The following STK38 variants were observed in gnomAD, a reference collection of about 807,000 sequenced individuals.
STK38 encodes serine/threonine-protein kinase 38.
STK38 carries 26 observed loss-of-function variants against 59.0 expected under a neutral mutation model. The observed-to-expected ratio is 0.44, with a 90% CI of 0.32 to 0.61. The LOEUF (loss-of-function observed/expected upper bound fraction) is 0.61, where lower values mean the gene tolerates loss of function less well. Ranked by LOEUF, STK38 falls within the 20% of genes least tolerant of loss-of-function variation. The probability of loss-of-function intolerance (pLI) is 0.04; values close to 1 mark genes in which losing one functional copy is unlikely to be tolerated. For missense variants in STK38, 433 were observed against 566.0 expected (o/e 0.76, Z 2.38); for synonymous variants, 175 against 176.6 (o/e 0.99, Z 0.07).
At chr6:36,540,393 C>T (rs983200077) in intron 1 of STK38, among the ~76,000 whole-genome samples, 186 bp from the exon 2 acceptor site, 4 of 152,102 alleles carry the variant, frequency 2.6e-5, no homozygotes, top group African/African-American at 9.7e-5. Flanking sequence ...GTCCTATGAC[C>T]CAGAAATCCC....
chr6:36,514,652 T>C (rs1777204287), intron 7 of STK38, among the ~76,000 whole-genome samples: 1 of 152,022 alleles, frequency 6.6e-6, no homozygotes, highest in Admixed American at 6.6e-5. Context: ...CAACTACGCT[T>C]ATCTGCATGT....
chr6:36,546,764 A>AGG (rs1027325289), intron 1 of STK38, among the ~76,000 whole-genome samples: 1 of 152,134 alleles, frequency 6.6e-6, no homozygotes, highest in African/African-American at 2.4e-5. Flanking sequence ...CCACACCCCA[A>AGG]GGGGGGCTTT....
chr6:36,543,019 C>A (rs1777976526), intron 1 of STK38, among the ~76,000 whole-genome samples: 1 of 152,168 alleles, frequency 6.6e-6, no homozygotes, highest in Admixed American at 6.5e-5. Flanking sequence ...TCACACTTGG[C>A]CAAATTGTTC....
chr6:36,527,207 A>AAAATATATAT (rs60162863), intron 2 of STK38, among the ~76,000 whole-genome samples: 177 of 119,334 alleles, frequency 1.5e-3, no homozygotes, highest in South Asian at 3.7e-3. Flanking sequence ...AAAAAAAAAA[A>AAAATATATAT]ATATATGTAT....
chr6:36,535,455 C>T (rs1020467195), intron 2 of STK38, among the ~76,000 whole-genome samples: 10 of 151,576 alleles, frequency 6.6e-5, no homozygotes, highest in Admixed American at 5.9e-4. Flanking sequence ...GTCTCAAACA[C>T]ACAAACAAAC....
chr6:36,540,219 G>T lies in STK38; in HGVS notation c.-5-12C>A, dbSNP rs371899631. 34 of 1,613,248 alleles carry T rather than the reference G, an allele frequency of 2.1e-5. No individual in the cohort carries two copies. The African/African-American group carries it at 3.6e-4, about 17-fold the overall frequency. ...CATTGCCATGGCTGCTAGAAACAAA[G>T]AAAAGAAGAGGTGTTAGATTTGGAG... On this transcript the variant is annotated splice_polypyrimidine_tract_variant and intron_variant, in intron 1 of 13. Coordinates refer to ENST00000229812, the MANE Select transcript of STK38 (RefSeq NM_007271.4).
intron 7 of STK38, among the ~76,000 whole-genome samples, chr6:36,512,379 T>C (rs748933895): frequency 2.0e-5 from 3 of 152,140 alleles, no homozygotes; most frequent in African/African-American, 4.8e-5. Context: ...GATCTGAACA[T>C]AGACTACAGG....
intron 2 of STK38, among the ~76,000 whole-genome samples, chr6:36,539,141 T>G (rs1412671321): frequency 2.6e-5 from 4 of 151,914 alleles, no homozygotes; most frequent in African/African-American, 9.7e-5. Context: ...ATCCCAGCAC[T>G]ATGGGAGGCC....
In STK38 at chr6:36,498,437, C is replaced by T. The variant is rs200983506; in HGVS notation, c.1002G>A (p.Val334=). Residue 334 remains valine (V), a synonymous_variant, in exon 11 of 14, where the codon GTG becomes GTA. Coordinates refer to ENST00000229812, the MANE Select transcript of STK38 (RefSeq NM_007271.4). ...SETPQETYKK[V]MNWKETLTFP... is the part of the protein sequence containing the mutation. ...AAGTCAAAGTTTCTTTCCAGTTCAT[C>T]ACCTTCTTATATGTCTCTTGAGGGG... is the stretch of plus-strand genomic sequence containing the variant. 7.2e-5 allele frequency: 117 copies of T among 1,613,918 alleles called. No homozygotes were observed. The highest frequency in any genetic ancestry group is 6.8e-6 in the Non-Finnish European group (8 of 1,180,010).
At chr6:36,539,485 G>A (rs1010414288) in intron 2 of STK38, among the ~76,000 whole-genome samples, 36 of 151,960 alleles carry the variant, frequency 2.4e-4, no homozygotes, top group African/African-American at 8.0e-4. Flanking sequence ...CATTAACTAA[G>A]TGACTACTAT....
intron 7 of STK38, among the ~76,000 whole-genome samples, chr6:36,513,483 T>G (rs890124863): frequency 4.6e-5 from 7 of 151,442 alleles, no homozygotes; most frequent in Non-Finnish European, 7.4e-5. Context: ...CCCAGCTGAT[T>G]TTTGTATTTT....
chr6:36,527,207 A>AAAAAAAAAAAAAATATATATAT (rs60162863), intron 2 of STK38, among the ~76,000 whole-genome samples: 4 of 119,350 alleles, frequency 3.4e-5, no homozygotes, highest in African/African-American at 1.4e-4. Context: ...AAAAAAAAAA[A>AAAAAAAAAAAAAATATATATAT]ATATATGTAT....
intron 7 of STK38, among the ~76,000 whole-genome samples, chr6:36,509,041 C>T (rs1025511899): frequency 2.6e-5 from 4 of 152,224 alleles, no homozygotes; most frequent in East Asian, 1.9e-4. Flanking sequence ...GAAGGGCCGC[C>T]GCTCTTCTCT....
At chr6:36,545,176 C>T (rs1043652524) in intron 1 of STK38, among the ~76,000 whole-genome samples, 2 of 150,952 alleles carry the variant, frequency 1.3e-5, no homozygotes, top group South Asian at 4.2e-4. Context: ...ACCTGTAATC[C>T]CAGCTACTTG....
At chr6:36,546,761 C>A (rs1400347507) in intron 1 of STK38, among the ~76,000 whole-genome samples, 3 of 152,162 alleles carry the variant, frequency 2.0e-5, no homozygotes, top group African/African-American at 7.2e-5. Flanking sequence ...ATACCACACC[C>A]CAAGGGGGGC....
At chr6:36,495,938 G>A in intron 13 of STK38, 24 bp from the exon 14 acceptor site, 2 of 1,611,618 alleles carry the variant, frequency 1.2e-6, no homozygotes, top group Non-Finnish European at 1.7e-6. Flanking sequence ...AGATGTGAGA[G>A]TTGATTCACT....
chr6:36,543,636 C>T (rs1777995390), intron 1 of STK38, among the ~76,000 whole-genome samples: 1 of 151,800 alleles, frequency 6.6e-6, no homozygotes. Flanking sequence ...TCATGAGAGT[C>T]AAAGGGCCAT....
chr6:36,541,687 C>T (rs1237380006), intron 1 of STK38, among the ~76,000 whole-genome samples: 2 of 152,052 alleles, frequency 1.3e-5, no homozygotes, highest in African/African-American at 2.4e-5. Flanking sequence ...ATGTATATCA[C>T]GATCTCAATT....
chr6:36,523,031 A>ATGTCCT (rs1211101050), intron 4 of STK38, among the ~76,000 whole-genome samples: 1 of 152,032 alleles, frequency 6.6e-6, no homozygotes, highest in East Asian at 1.9e-4. Flanking sequence ...AAGTTCCTGC[A>ATGTCCT]TGTCCTCCCC....
Sources: allele counts gnomAD v4.1 joint callset (sites outside exome capture counted in the v4.1 genomes callset), GRCh38; gene constraint gnomAD v4.1.1; transcripts MANE v1.5; gene names NCBI Gene and HGNC (gene_info 2026-07-23, HGNC 2026-07-21).